The following MBNL2 variants were observed in gnomAD, a reference collection of about 807,000 sequenced individuals.
MBNL2 encodes the protein muscleblind-like protein 2.
A neutral mutation model predicts 41.9 loss-of-function variants in MBNL2; 17 were observed. That is an observed-to-expected ratio of 0.41 (90% CI 0.28 to 0.61). The LOEUF (loss-of-function observed/expected upper bound fraction) is 0.61. Ranked by LOEUF, MBNL2 falls within the 20% of genes least tolerant of loss-of-function variation. MBNL2 has a pLI of 0.35. For missense variants in MBNL2, 336 were observed against 505.6 expected (o/e 0.66, Z 3.22); for synonymous variants, 195 against 182.9 (o/e 1.07, Z -0.53).
At chr13:97,173,119 A>G in the MBNL2 span, among the ~76,000 whole-genome samples, 1 of 152,228 alleles carries the variant, frequency 6.6e-6, no homozygotes, top group Non-Finnish European at 1.5e-5. Flanking sequence ...ACAAGCATCT[A>G]TAAAAATAAT....
At position 97,274,357 on chromosome 13, in the gene MBNL2, C is replaced by T. The variant is rs186550496; in HGVS notation, c.-604-1275C>T. On this transcript the variant is annotated intron_variant, in intron 1 of 8. Transcript: ENST00000679496. The stretch of plus-strand genomic sequence containing the variant: ...ACTAAAAATACAAAAATTAGCCAGG[C>T]GTGGTGTCAGACACCTGTAGTCTCA... Among the ~76,000 whole-genome samples, 226 of 152,148 alleles carry T rather than the reference C, an allele frequency of 1.5e-3. 1 individual carries two copies. The highest frequency in any genetic ancestry group is 5.0e-3 in the African/African-American group (208 of 41,520).
chr13:97,213,506 G>A, the MBNL2 span, among the ~76,000 whole-genome samples: 1 of 152,136 alleles, frequency 6.6e-6, no homozygotes, highest in Non-Finnish European at 1.5e-5. Flanking sequence ...AGGTCCTTCG[G>A]TAAAAACACA....
At chr13:97,315,064 C>T (rs9516905) in intron 2 of MBNL2, among the ~76,000 whole-genome samples, 25,584 of 151,938 alleles carry the variant, frequency 0.17, 2,305 homozygotes, top group African/African-American at 0.24. Context: ...ATTGATAAAG[C>T]AGACAGTCAT....
intron 1 of MBNL2, among the ~76,000 whole-genome samples, chr13:97,228,450 G>A (rs1472152822): frequency 6.6e-6 from 1 of 151,600 alleles, no homozygotes; most frequent in Non-Finnish European, 1.5e-5. Context: ...ATTATAATAT[G>A]CAAATACTGA....
the MBNL2 span, among the ~76,000 whole-genome samples, chr13:97,155,253 G>A: frequency 6.6e-6 from 1 of 151,536 alleles, no homozygotes; most frequent in Non-Finnish European, 1.5e-5. Context: ...TTTATCCATG[G>A]TTAATATATA....
At chr13:97,158,840 T>C in the MBNL2 span, among the ~76,000 whole-genome samples, 4 of 152,040 alleles carry the variant, frequency 2.6e-5, no homozygotes, top group African/African-American at 9.6e-5. Context: ...TTGGAATAGG[T>C]GTGGTGTGGT....
intron 2 of MBNL2, among the ~76,000 whole-genome samples, chr13:97,285,167 A>C (rs1210598560): frequency 6.6e-6 from 1 of 152,230 alleles, no homozygotes. Context: ...ATAGGAAGCA[A>C]AGATTTAAAA....
chr13:97,317,843 A>G (rs1285522550), intron 2 of MBNL2, among the ~76,000 whole-genome samples: 1 of 152,238 alleles, frequency 6.6e-6, no homozygotes, highest in African/African-American at 2.4e-5. Context: ...CCTTCTGGCT[A>G]ATATTATACT....
intron 8 of MBNL2, among the ~76,000 whole-genome samples, chr13:97,365,592 C>G (rs1385203241): frequency 6.6e-6 from 1 of 152,168 alleles, no homozygotes; most frequent in Non-Finnish European, 1.5e-5. Context: ...CAGAAGTATT[C>G]ATTTTTTACA....
At chr13:97,160,072 A>C in the MBNL2 span, among the ~76,000 whole-genome samples, 1 of 152,054 alleles carries the variant, frequency 6.6e-6, no homozygotes, top group African/African-American at 2.4e-5. Context: ...ATAGTCCCAT[A>C]TTTCTTGGAG....
In MBNL2 at chr13:97,366,432, T is replaced by A. The variant is rs1402276560; in HGVS notation, c.1048+1261T>A. 1 of 1,135,768 alleles carries A rather than the reference T, an allele frequency of 8.8e-7. No homozygotes were observed. Among genetic ancestry groups the A allele is most frequent in the African/African-American group, 1.5e-5 (1 of 65,590 alleles). The allele number at this position is 1,135,768 out of a possible 1,614,324, so 70.4% of individuals were successfully genotyped here. A position where few individuals can be genotyped will look rare whatever the true frequency, so the allele number is the denominator to read the frequency against. ...CCATAATGCTACACCCTCCTGTTCA[T>A]TGCTCCCATGGTTCCCCTCCTGAAA... On this transcript the variant is annotated intron_variant, in intron 8 of 8. Transcript: ENST00000679496. This position sits in a 1 kb window ranked among gnomAD's most constrained non-coding sequence, Gnocchi z 4.7.
At chr13:97,356,741 C>G in intron 5 of MBNL2, 55 bp from the exon 6 acceptor site, 1 of 1,093,046 alleles carries the variant, frequency 9.1e-7, no homozygotes, top group Non-Finnish European at 1.3e-6. Context: ...TATGTTAATT[C>G]GCTTGAATCC....
chr13:97,175,866 T>C, the MBNL2 span, among the ~76,000 whole-genome samples: 4 of 152,176 alleles, frequency 2.6e-5, no homozygotes, highest in African/African-American at 4.8e-5. Context: ...TTTTAATGCA[T>C]AGCCAAAGCA....
chr13:97,334,852 C>A lies in MBNL2; in HGVS notation c.339+412C>A, dbSNP rs1028576196. ...TTTAAAGGATGAGGAAATTGAGAAACCAGAGAAGTTCAATGATTTTCCGCA... is the reference window on the plus strand; with the variant it reads ...TTTAAAGGATGAGGAAATTGAGAAAACAGAGAAGTTCAATGATTTTCCGCA... On this transcript the variant is annotated intron_variant, in intron 3 of 8. Coordinates refer to ENST00000679496, the MANE Select transcript of MBNL2 (RefSeq NM_001382683.1). This position sits in a 1 kb window ranked among gnomAD's most constrained non-coding sequence, Gnocchi z 5.3. Among the ~76,000 whole-genome samples, 1 of 152,156 alleles carries A rather than the reference C, an allele frequency of 6.6e-6. No homozygotes were observed. Among genetic ancestry groups the A allele is most frequent in the African/African-American group, 2.4e-5 (1 of 41,434 alleles).
At chr13:97,252,480 TA>T (rs1249318308) in intron 1 of MBNL2, among the ~76,000 whole-genome samples, 2 of 152,350 alleles carry the variant, frequency 1.3e-5, no homozygotes, top group Non-Finnish European at 2.9e-5. Flanking sequence ...TAGTAAGAAC[TA>T]ATATTTTTAG....
At chr13:97,203,261 C>T in the MBNL2 span, among the ~76,000 whole-genome samples, 1 of 152,208 alleles carries the variant, frequency 6.6e-6, no homozygotes, top group South Asian at 2.1e-4. Flanking sequence ...CCATATTAAA[C>T]ACTATTATGT....
chr13:97,187,892 G>T, the MBNL2 span, among the ~76,000 whole-genome samples: 3 of 143,258 alleles, frequency 2.1e-5, no homozygotes, highest in African/African-American at 7.4e-5. Flanking sequence ...CTGGGCGACA[G>T]TGAGACTTCG....
intron 8 of MBNL2, among the ~76,000 whole-genome samples, chr13:97,387,313 AGCAGACACGTTT>A (rs2066000768): frequency 1.3e-5 from 2 of 152,160 alleles, no homozygotes; most frequent in Admixed American, 1.3e-4. Flanking sequence ...TGATGCTATA[AGCAGACACGTTT>A]GCAACATCCA....
At chr13:97,155,098 C>A in the MBNL2 span, among the ~76,000 whole-genome samples, 2 of 152,078 alleles carry the variant, frequency 1.3e-5, no homozygotes, top group Non-Finnish European at 2.9e-5. Flanking sequence ...TTTAAAAGAA[C>A]TCATTTTTAG....
Sources: gnomAD v4.1 joint callset for allele counts (sites outside exome capture counted in the v4.1 genomes callset) on GRCh38, gnomAD v4.1.1 for gene constraint, Gnocchi (gnomAD v3.1) non-coding constraint, MANE v1.5 for transcripts, NCBI Gene and HGNC (gene_info 2026-07-23, HGNC 2026-07-21) for gene names.